Variants in ASB3 observed in about 807,000 individuals in gnomAD.
ASB3 encodes the protein ankyrin repeat and SOCS box protein 3.
A neutral mutation model predicts 54.5 loss-of-function variants in ASB3; 41 were observed. The ratio of observed to expected loss-of-function variants is 0.75; its 90% CI spans 0.59 to 0.98. The LOEUF (loss-of-function observed/expected upper bound fraction) is 0.98. Among genes scored for constraint, ASB3 ranks in the 50% least tolerant of loss-of-function variants. ASB3 has a pLI of 0.00. For synonymous variants in ASB3, 266 were observed against 221.2 expected, an observed-to-expected ratio of 1.20 and a Z score of -1.80; for missense variants, 733 against 620.0, an observed-to-expected ratio of 1.18 and a Z score of -1.94.
intron 3 of ASB3, among the ~76,000 whole-genome samples, chr2:53,734,303 G>A: frequency 6.6e-6 from 1 of 152,146 alleles, no homozygotes; most frequent in Non-Finnish European, 1.5e-5. Context: ...GGGCTCCACT[G>A]TTCAACCTGC....
intron 9 of ASB3, among the ~76,000 whole-genome samples, chr2:53,675,900 T>C (rs965174518): frequency 2.0e-5 from 3 of 152,238 alleles, no homozygotes; most frequent in Non-Finnish European, 1.5e-5. Flanking sequence ...TTAACCTGCA[T>C]TGCAGGGCAT....
rs72901258 is a variant in ASB3 at position 53,734,613 on chromosome 2, T to C, written c.356-5043A>G. Among the ~76,000 whole-genome samples the C allele has an allele frequency of 3.2e-3, 491 of 152,330 alleles. 4 individuals are homozygous for C. Among genetic ancestry groups the C allele is most frequent in the African/African-American group, 0.011 (471 of 41,574 alleles). ...TTAATCACTTAATCAATAACTATCATGCAAATTCTACTGCCATAATTCATG... is the reference window on the plus strand; with the variant it reads ...TTAATCACTTAATCAATAACTATCACGCAAATTCTACTGCCATAATTCATG... On this transcript the variant is annotated intron_variant, in intron 3 of 9. Transcript: ENST00000263634.
At chr2:53,762,720 T>C (rs934518922) in intron 2 of ASB3, among the ~76,000 whole-genome samples, 2 of 152,166 alleles carry the variant, frequency 1.3e-5, no homozygotes, top group African/African-American at 4.8e-5. Context: ...CAACACCCAT[T>C]ACACCCAACC....
intron 9 of ASB3, among the ~76,000 whole-genome samples, chr2:53,691,356 T>C (rs1024742417): frequency 6.6e-6 from 1 of 152,088 alleles, no homozygotes; most frequent in Non-Finnish European, 1.5e-5. Flanking sequence ...TCCCTAGAGA[T>C]ACATACTGAA....
chr2:53,735,379 C>T (rs950552470), intron 3 of ASB3, among the ~76,000 whole-genome samples: 3 of 151,840 alleles, frequency 2.0e-5, no homozygotes, highest in African/African-American at 7.3e-5. Context: ...TCTATCAGCC[C>T]CTTAAAATCA....
chr2:53,714,734 C>A (rs1028189239), intron 6 of ASB3, among the ~76,000 whole-genome samples, 153 bp from the exon 7 acceptor site: 21 of 152,156 alleles, frequency 1.4e-4, no homozygotes, highest in Non-Finnish European at 2.9e-4. Flanking sequence ...CAACATTAAA[C>A]TATTACATGC....
intron 8 of ASB3, among the ~76,000 whole-genome samples, chr2:53,698,744 A>G (rs1669321933): frequency 6.6e-6 from 1 of 152,168 alleles, no homozygotes; most frequent in African/African-American, 2.4e-5. Context: ...TTCTATCAAC[A>G]TTTTGGTCAC....
At chr2:53,778,000 T>C (rs1044050138) in intron 1 of ASB3, among the ~76,000 whole-genome samples, 15 of 151,842 alleles carry the variant, frequency 9.9e-5, no homozygotes, top group African/African-American at 3.6e-4. Context: ...TACAAAAAAA[T>C]TAGCCAGGTG....
At chr2:53,708,596 G>A (rs540892699) in intron 7 of ASB3, among the ~76,000 whole-genome samples, 1 of 152,320 alleles carries the variant, frequency 6.6e-6, no homozygotes, top group Admixed American at 6.5e-5. Flanking sequence ...AAAGATGAGG[G>A]AAAGTTTGGA....
chr2:53,691,750 A>T (rs569855791), intron 9 of ASB3, among the ~76,000 whole-genome samples: 1 of 152,312 alleles, frequency 6.6e-6, no homozygotes, highest in South Asian at 2.1e-4. Flanking sequence ...GAAGAGAGTC[A>T]CAATCCCATC....
chr2:53,758,320 G>C (rs528655934), intron 2 of ASB3, among the ~76,000 whole-genome samples: 2 of 152,186 alleles, frequency 1.3e-5, no homozygotes, highest in African/African-American at 2.4e-5. Flanking sequence ...TACCGGCAAG[G>C]ACTTAATCCG....
intron 7 of ASB3, among the ~76,000 whole-genome samples, chr2:53,711,634 C>G (rs373661905): frequency 1.4e-4 from 22 of 152,234 alleles, no homozygotes; most frequent in African/African-American, 4.8e-4. Flanking sequence ...AGTAGCTGAG[C>G]ATGGTGGCAC....
At chr2:53,757,554 T>C (rs1414033616) in intron 2 of ASB3, among the ~76,000 whole-genome samples, 3 of 152,242 alleles carry the variant, frequency 2.0e-5, no homozygotes, top group African/African-American at 7.2e-5. Flanking sequence ...TACTTCTGAA[T>C]CTACTTCCTC....
In ASB3 at chr2:53,694,017, A is replaced by G. The variant is rs780909659; in HGVS notation, c.1239-3T>C. 3 of 1,612,758 alleles carry G rather than the reference A, an allele frequency of 1.9e-6. No homozygotes were observed. Among genetic ancestry groups the G allele is most frequent in the African/African-American group, 2.7e-5 (2 of 74,990 alleles). On this transcript the variant is annotated splice_region_variant and splice_polypyrimidine_tract_variant and intron_variant, in intron 8 of 9. Transcript: ENST00000263634. The stretch of plus-strand genomic sequence containing the variant: ...TGTCAATGCTGACTGAGTCAATCCT[A>G]TGTTAGCAAGATGTTAATATAATAT...
At chr2:53,712,075 T>A (rs1022341846) in intron 7 of ASB3, among the ~76,000 whole-genome samples, 1 of 152,108 alleles carries the variant, frequency 6.6e-6, no homozygotes, top group Non-Finnish European at 1.5e-5. Flanking sequence ...AATACAACTT[T>A]GGAGTACTTG....
chr2:53,681,736 G>C (rs542151470), intron 9 of ASB3, among the ~76,000 whole-genome samples: 76 of 152,268 alleles, frequency 5.0e-4, no homozygotes, highest in African/African-American at 1.7e-3. Context: ...GTTTATGCCA[G>C]TACCAGGCTG....
intron 7 of ASB3, among the ~76,000 whole-genome samples, chr2:53,701,477 T>C (rs1259072183): frequency 2.0e-5 from 3 of 152,192 alleles, no homozygotes; most frequent in Non-Finnish European, 4.4e-5. Context: ...ATTTCTGCAA[T>C]ATCTCTTCTC....
chr2:53,751,080 T>C, intron 2 of ASB3, 139 bp from the exon 3 acceptor site: 2 of 1,092,766 alleles, frequency 1.8e-6, no homozygotes. Context: ...CATTTAAAAC[T>C]ATAGAAAATC....
intron 9 of ASB3, among the ~76,000 whole-genome samples, chr2:53,691,570 G>A (rs528591041): frequency 1.3e-5 from 2 of 152,020 alleles, no homozygotes; most frequent in Admixed American, 6.6e-5. Context: ...TGTCCTGCTG[G>A]GTTTGAGCCC....
Sources: allele counts gnomAD v4.1 joint callset (sites outside exome capture counted in the v4.1 genomes callset), GRCh38; gene constraint gnomAD v4.1.1; transcripts MANE v1.5; gene names NCBI Gene and HGNC (gene_info 2026-07-23, HGNC 2026-07-21).